Variants in BTBD2 observed in about 807,000 individuals in gnomAD.
The protein encoded by BTBD2 is BTB domain containing 2, also known as BTB/POZ domain-containing protein 2.
BTBD2 carries 15 observed loss-of-function variants against 44.0 expected under a neutral mutation model. That is an observed-to-expected ratio of 0.34 (90% CI 0.23 to 0.53). The LOEUF is 0.53. Among genes scored for constraint, BTBD2 ranks in the 20% least tolerant of loss-of-function variants. The pLI, the probability that BTBD2 is intolerant of heterozygous loss-of-function variation, is 0.95. For missense variants in BTBD2, 657 were observed against 746.4 expected (o/e 0.88, Z 1.39); for synonymous variants, 443 against 335.9 (o/e 1.32, Z -3.49).
chr19:2,012,945 C>A (rs2016485801), intron 1 of BTBD2, among the ~76,000 whole-genome samples: 1 of 152,154 alleles, frequency 6.6e-6, no homozygotes, highest in Non-Finnish European at 1.5e-5. Context: ...CCTACCCCCT[C>A]CCCAAAGAGC....
intron 1 of BTBD2, among the ~76,000 whole-genome samples, chr19:2,000,138 T>G (rs1447257212): frequency 6.6e-6 from 1 of 152,124 alleles, no homozygotes; most frequent in Non-Finnish European, 1.5e-5. Context: ...CTCGGACGCC[T>G]TGATCCATGG....
intron 1 of BTBD2, among the ~76,000 whole-genome samples, chr19:2,007,049 G>A (rs1015067456): frequency 6.6e-6 from 1 of 152,048 alleles, no homozygotes; most frequent in African/African-American, 2.4e-5. Context: ...GTAGAGATGG[G>A]GTTTCACCAT....
In BTBD2 at chr19:1,993,116, G is replaced by T; in HGVS notation, c.588C>A (p.Thr196=). 1 of 1,608,538 alleles carries T rather than the reference G, an allele frequency of 6.2e-7. No individual in the cohort carries two copies. ...GCGCTGGCACCGCGTACTTCTTGGC[G>T]GTGTATAGCGTGGTCATCACCGTCT... ...GPETVMTTLY[T]AKKYAVPALE... The change falls in exon 3 of 9, where the codon ACC becomes ACA. Residue 196 remains threonine, a synonymous_variant. Transcript: ENST00000255608.
chr19:2,010,336 G>A lies in BTBD2; in HGVS notation c.407+4961C>T, dbSNP rs184149169. The stretch of plus-strand genomic sequence containing the variant: ...TGCCTACTGTGTGCCAGGCTCCAGC[G>A]CGCTGAGATGGACGGGTGCCCATCC... On this transcript the variant is annotated intron_variant, in intron 1 of 8. Transcript: ENST00000255608. Among the ~76,000 whole-genome samples the A allele has an allele frequency of 8.4e-4, 128 of 152,262 alleles. 2 individuals are homozygous for A. Among genetic ancestry groups the A allele is most frequent in the African/African-American group, 2.2e-3 (90 of 41,552 alleles).
In BTBD2 at chr19:2,015,395, C is replaced by T. The variant is rs746512172; in HGVS notation, c.309G>A (p.Val103=). 12 of 1,563,934 alleles carry T rather than the reference C, an allele frequency of 7.7e-6. No homozygotes were observed. Among genetic ancestry groups the T allele is most frequent in the South Asian group, 4.6e-5 (4 of 87,568 alleles). The change falls in exon 1 of 9, where the codon GTG becomes GTA. Residue 103 remains valine (V), a synonymous_variant. Coordinates refer to ENST00000255608, the MANE Select transcript of BTBD2 (RefSeq NM_017797.4). ...AYNWQASKPT[V]QERFAFLFNN... Reference sequence around the variant, plus strand: ...TGAAGAGGAAGGCGAAGCGCTCCTGCACGGTGGGCTTGCTGGCCTGCCAGT... The same window carrying T: ...TGAAGAGGAAGGCGAAGCGCTCCTGTACGGTGGGCTTGCTGGCCTGCCAGT...
intron 8 of BTBD2, 68 bp downstream of exon 8, chr19:1,986,762 C>A: frequency 6.4e-7 from 1 of 1,571,734 alleles, no homozygotes; most frequent in Non-Finnish European, 8.6e-7. Flanking sequence ...AGAGTGTGTG[C>A]TGTGCCCCGG....
chr19:2,001,537 G>A (rs565387408), intron 1 of BTBD2, among the ~76,000 whole-genome samples: 1 of 152,284 alleles, frequency 6.6e-6, no homozygotes, highest in African/African-American at 2.4e-5. Context: ...ATTGTGTGGT[G>A]CACAAAGGGC....
At chr19:2,009,125 T>C (rs754197355) in intron 1 of BTBD2, among the ~76,000 whole-genome samples, 10 of 151,680 alleles carry the variant, frequency 6.6e-5, no homozygotes, top group Non-Finnish European at 1.2e-4. Flanking sequence ...TTCAAACGAT[T>C]ATCCTGCCTC....
chr19:1,991,846 C>G (rs2016183595), intron 3 of BTBD2: 1 of 152,324 alleles, frequency 6.6e-6, no homozygotes, highest in Non-Finnish European at 1.5e-5. Context: ...CAACTGGGGT[C>G]CCCTGAGATC....
intron 2 of BTBD2, among the ~76,000 whole-genome samples, chr19:1,996,996 A>G (rs926823324): frequency 1.3e-5 from 2 of 152,064 alleles, no homozygotes; most frequent in African/African-American, 2.4e-5. Context: ...TGACTAACAC[A>G]GTGAAACCCC....
intron 1 of BTBD2, among the ~76,000 whole-genome samples, chr19:2,013,031 C>A (rs759803090): frequency 3.0e-4 from 45 of 152,176 alleles, no homozygotes; most frequent in Non-Finnish European, 5.1e-4. Context: ...CAGCTAAGGA[C>A]GACAGAGACA....
chr19:1,991,141 G>T (rs1014404732), intron 3 of BTBD2: 7 of 271,314 alleles, frequency 2.6e-5, no homozygotes, highest in South Asian at 1.5e-4. Context: ...CTGCACTCGG[G>T]GGGCAGCAGG....
At chr19:2,009,575 G>A (rs1012492145) in intron 1 of BTBD2, among the ~76,000 whole-genome samples, 11 of 151,748 alleles carry the variant, frequency 7.2e-5, no homozygotes, top group Admixed American at 3.9e-4. Flanking sequence ...TAGGCTGGGC[G>A]CGGTGGCTCA....
rs557486876 is a variant in BTBD2, at chr19:1,990,238, C to A, written c.791-37G>T. 46 of 1,552,504 alleles carry A rather than the reference C, an allele frequency of 3.0e-5. No individual in the cohort carries two copies. In the South Asian group the frequency reaches 5.0e-4, roughly 17 times the overall value. The stretch of plus-strand genomic sequence containing the variant: ...AGGAAGGGGCTGCGTGAACACGACA[C>A]CCACATGCCCACCCTGCAGGAGGCA... On this transcript the variant is annotated intron_variant, in intron 4 of 8. Coordinates refer to ENST00000255608, the MANE Select transcript of BTBD2 (RefSeq NM_017797.4).
At position 1,988,045 on chromosome 19, in the gene BTBD2, C is replaced by T. The variant is rs554880626; in HGVS notation, c.989-353G>A. 12 of 248,156 alleles carry T rather than the reference C, an allele frequency of 4.8e-5. No homozygotes were observed. In the East Asian group the frequency reaches 1.1e-3, roughly 22 times the overall value. The allele number at this position is 248,156 out of a possible 1,614,324, so 15.4% of individuals were successfully genotyped here. ...GGCGGGGGGCTCCACTGCCTGTTCT[C>T]TCAGGGCCATTGGCTGGGAGGGGTC... On this transcript the variant is annotated intron_variant, in intron 5 of 8. Transcript: ENST00000255608.
At chr19:2,001,144 T>G (rs2016324968) in intron 1 of BTBD2, among the ~76,000 whole-genome samples, 2 of 151,826 alleles carry the variant, frequency 1.3e-5, no homozygotes, top group East Asian at 3.9e-4. Flanking sequence ...ATTAGCCAGG[T>G]GTGGTGGTGG....
chr19:2,011,894 G>A (rs975303375), intron 1 of BTBD2, among the ~76,000 whole-genome samples: 4 of 150,916 alleles, frequency 2.7e-5, no homozygotes, highest in African/African-American at 4.9e-5. Flanking sequence ...TTGCTCTGTC[G>A]CCCAGGCTGG....
intron 2 of BTBD2, 62 bp downstream of exon 2, chr19:1,997,282 C>T (rs139658440): frequency 8.1e-5 from 131 of 1,607,830 alleles, no homozygotes; most frequent in African/African-American, 6.0e-4. Flanking sequence ...ACAGGGTCTA[C>T]GTTCTCTGAG....
intron 2 of BTBD2, among the ~76,000 whole-genome samples, chr19:1,994,848 A>AT (rs1663705697): frequency 6.6e-6 from 1 of 152,096 alleles, no homozygotes; most frequent in Admixed American, 6.6e-5. Context: ...TGAGGTATAC[A>AT]TTTTTAACAT....
Sources: allele counts gnomAD v4.1 joint callset (sites outside exome capture counted in the v4.1 genomes callset), GRCh38; gene constraint gnomAD v4.1.1; transcripts MANE v1.5; gene names NCBI Gene and HGNC (gene_info 2026-07-23, HGNC 2026-07-21).